RAP1GDS1: variants seen among roughly 807,000 people sequenced by gnomAD.
RAP1GDS1 encodes Rap1 GTPase-GDP dissociation stimulator 1.
RAP1GDS1 carries 35 observed loss-of-function variants against 71.1 expected under a neutral mutation model. The observed-to-expected ratio is 0.49, with a 90% CI of 0.38 to 0.65. RAP1GDS1 has a LOEUF of 0.65. RAP1GDS1 is among the 30% of genes least tolerant of loss of function. The pLI is 0.00. For missense variants in RAP1GDS1, 663 were observed against 706.1 expected (o/e 0.94, Z 0.69); for synonymous variants, 229 against 243.1 (o/e 0.94, Z 0.54).
intron 6 of RAP1GDS1, chr4:98,396,125 AG>A (rs1354835452): frequency 1.3e-5 from 2 of 152,194 alleles, no homozygotes; most frequent in East Asian, 3.9e-4. Context: ...CTTATCACCA[AG>A]GGGATGGTAC....
chr4:98,266,461 T>C (rs972726456), intron 1 of RAP1GDS1, among the ~76,000 whole-genome samples: 2 of 152,206 alleles, frequency 1.3e-5, no homozygotes, highest in African/African-American at 2.4e-5. Flanking sequence ...TGTAGTTTTC[T>C]CTGTAGATAG....
At chr4:98,403,907 T>G (rs1045098057) in intron 6 of RAP1GDS1, among the ~76,000 whole-genome samples, 1 of 152,162 alleles carries the variant, frequency 6.6e-6, no homozygotes, top group Non-Finnish European at 1.5e-5. Context: ...AAAATGAGCT[T>G]GAATGGTAGT....
intron 1 of RAP1GDS1, among the ~76,000 whole-genome samples, chr4:98,266,761 T>A (rs1414870389): frequency 6.6e-6 from 1 of 152,212 alleles, no homozygotes; most frequent in Non-Finnish European, 1.5e-5. Context: ...TATTCTGAAG[T>A]CTGTACTACT....
chr4:98,291,594 A>C (rs1726929294), intron 1 of RAP1GDS1, among the ~76,000 whole-genome samples: 1 of 152,200 alleles, frequency 6.6e-6, no homozygotes, highest in South Asian at 2.1e-4. Flanking sequence ...GTCGTCTGCT[A>C]GAATTTAAAA....
chr4:98,411,348 G>A (rs1016880264), intron 7 of RAP1GDS1, among the ~76,000 whole-genome samples: 4 of 152,186 alleles, frequency 2.6e-5, no homozygotes, highest in African/African-American at 9.7e-5. Context: ...GGGAGTGATG[G>A]CTTACGCCTG....
chr4:98,364,746 G>C (rs527310817), intron 4 of RAP1GDS1, among the ~76,000 whole-genome samples: 1 of 152,028 alleles, frequency 6.6e-6, no homozygotes, highest in African/African-American at 2.4e-5. Context: ...TGATGTGAGG[G>C]CTGGGTGCAG....
At chr4:98,326,106 T>G (rs1196162634) in intron 2 of RAP1GDS1, among the ~76,000 whole-genome samples, 2 of 151,948 alleles carry the variant, frequency 1.3e-5, no homozygotes, top group African/African-American at 4.8e-5. Flanking sequence ...TCTTGCATAT[T>G]ACTTTTTTTT....
intron 2 of RAP1GDS1, among the ~76,000 whole-genome samples, chr4:98,320,277 T>C (rs565729420): frequency 6.6e-6 from 1 of 152,324 alleles, no homozygotes; most frequent in Non-Finnish European, 1.5e-5. Context: ...ATATACTTAC[T>C]CATTTTTATT....
intron 14 of RAP1GDS1, among the ~76,000 whole-genome samples, chr4:98,439,121 T>C (rs1232321311): frequency 6.6e-6 from 1 of 152,186 alleles, no homozygotes; most frequent in Non-Finnish European, 1.5e-5. Flanking sequence ...TAGCAACAGA[T>C]TTTTAGCCAA....
chr4:98,425,416 T>A (rs1259946938), intron 12 of RAP1GDS1, among the ~76,000 whole-genome samples: 1 of 152,180 alleles, frequency 6.6e-6, no homozygotes, highest in African/African-American at 2.4e-5. Context: ...GTAAATGGCC[T>A]AAATGTTCCA....
chr4:98,261,752 G>C, intron 1 of RAP1GDS1, 183 bp downstream of exon 1: 1 of 799,174 alleles, frequency 1.3e-6, no homozygotes, highest in Non-Finnish European at 1.8e-6. Flanking sequence ...GGGGCTGGGA[G>C]GGTCCCGAGC....
At chr4:98,371,108 G>A (rs1197925203) in intron 4 of RAP1GDS1, among the ~76,000 whole-genome samples, 5 of 148,484 alleles carry the variant, frequency 3.4e-5, no homozygotes, top group Non-Finnish European at 7.5e-5. Context: ...ATTTAGGATT[G>A]TTATATCTTT....
chr4:98,300,332 C>A (rs1276962748), intron 2 of RAP1GDS1, among the ~76,000 whole-genome samples: 2 of 152,038 alleles, frequency 1.3e-5, no homozygotes, highest in Non-Finnish European at 2.9e-5. Context: ...TTAAAGCAAG[C>A]TGTGTACATT....
Position 98,442,087 on chromosome 4 carries a change from C to T in RAP1GDS1, c.1794C>T (p.Leu598=). ...AAAGTGTTGCCCAGCAGGCCTCTCT[C>T]ACAGAGCAGAGACTTACTGTGGAAA... ...ENKSVAQQAS[L]TEQRLTVES is the part of the protein sequence containing the mutation. Residue 598 remains leucine (L), a synonymous_variant, in exon 15 of 15, where the codon CTC becomes CTT. Transcript: ENST00000408927. 1.2e-6 allele frequency: 2 copies of T among 1,613,866 alleles called. No individual in the cohort carries two copies. Among genetic ancestry groups the T allele is most frequent in the Non-Finnish European group, 1.7e-6 (2 of 1,179,980 alleles).
At chr4:98,271,197 A>G (rs765681535) in intron 1 of RAP1GDS1, among the ~76,000 whole-genome samples, 10 of 152,142 alleles carry the variant, frequency 6.6e-5, no homozygotes, top group Admixed American at 2.0e-4. Context: ...TCACAAAATG[A>G]CTTTAGGTAC....
intron 1 of RAP1GDS1, among the ~76,000 whole-genome samples, chr4:98,263,305 A>G (rs371809148): frequency 3.9e-5 from 6 of 152,242 alleles, no homozygotes; most frequent in South Asian, 2.1e-4. Context: ...GCCTTAAACA[A>G]TCCATTTAAC....
intron 1 of RAP1GDS1, among the ~76,000 whole-genome samples, chr4:98,273,727 T>G (rs1410037722): frequency 1.3e-5 from 2 of 152,218 alleles, no homozygotes; most frequent in Non-Finnish European, 2.9e-5. Context: ...TGGAAGGCAC[T>G]AATAGAATTC....
intron 1 of RAP1GDS1, among the ~76,000 whole-genome samples, chr4:98,272,510 T>C (rs932102511): frequency 4.6e-5 from 7 of 152,174 alleles, no homozygotes; most frequent in Admixed American, 2.6e-4. Context: ...GCGTTGGTTG[T>C]GCGATCTGTG....
chr4:98,355,680 T>G (rs919513182), intron 4 of RAP1GDS1, among the ~76,000 whole-genome samples: 1 of 152,180 alleles, frequency 6.6e-6, no homozygotes, highest in African/African-American at 2.4e-5. Context: ...GAGCTCCAAC[T>G]GTAGAAAGAA....
Sources: gnomAD v4.1 joint callset for allele counts (sites outside exome capture counted in the v4.1 genomes callset) on GRCh38, gnomAD v4.1.1 for gene constraint, MANE v1.5 for transcripts, NCBI Gene and HGNC (gene_info 2026-07-23, HGNC 2026-07-21) for gene names.